LRRC34: variants seen among roughly 807,000 people sequenced by gnomAD.
LRRC34 encodes leucine-rich repeat-containing protein 34.
A neutral mutation model predicts 48.5 loss-of-function variants in LRRC34; 44 were observed. The observed-to-expected ratio is 0.91, with a 90% CI of 0.71 to 1.17. LRRC34 has a LOEUF of 1.17. Among genes scored for constraint, LRRC34 ranks in the 50% most tolerant of loss-of-function variants. The probability of loss-of-function intolerance (pLI) is 0.00; values close to 1 mark genes in which losing one functional copy is unlikely to be tolerated. For synonymous variants in LRRC34, 192 were observed against 197.6 expected, an observed-to-expected ratio of 0.97 and a Z score of 0.24; for missense variants, 502 against 563.0, an observed-to-expected ratio of 0.89 and a Z score of 1.10.
At position 169,796,833 on chromosome 3, in the gene LRRC34, A is replaced by G. The variant is rs1779006586; in HGVS notation, c.820T>C (p.Cys274Arg). Residue 274 changes from cysteine to arginine, a missense_variant, in exon 8 of 11, where the codon TGT becomes CGT. Cys to Arg is a radical substitution (Grantham distance 180, BLOSUM62 -3). Coordinates refer to ENST00000446859, the MANE Select transcript of LRRC34 (RefSeq NM_001172779.2). Reference protein sequence around the residue: ...ENHCLVALHMCKHDIKNSGIQ... With the variant: ...ENHCLVALHMRKHDIKNSGIQ... ...CCACTGTTTTTTATATCATGCTTACACATGTGTAGTGCAACAAGACAGTGA... is the reference window on the plus strand; with the variant it reads ...CCACTGTTTTTTATATCATGCTTACGCATGTGTAGTGCAACAAGACAGTGA... The G allele has an allele frequency of 6.2e-7, 1 of 1,611,182 alleles. No individual in the cohort carries two copies. Among genetic ancestry groups the G allele is most frequent in the Non-Finnish European group, 8.5e-7 (1 of 1,178,868 alleles).
intron 10 of LRRC34, chr3:169,794,940 T>G (rs1778936729): frequency 1.3e-5 from 2 of 152,234 alleles, no homozygotes; most frequent in Admixed American, 6.5e-5. Context: ...TTGGTTTTTT[T>G]GGGAGGGTGG....
intron 6 of LRRC34, among the ~76,000 whole-genome samples, chr3:169,802,257 A>G (rs552188953): frequency 6.6e-6 from 1 of 152,386 alleles, no homozygotes; most frequent in South Asian, 2.1e-4. Flanking sequence ...ATATATGAGT[A>G]TGAAAATTAC....
intron 6 of LRRC34, among the ~76,000 whole-genome samples, chr3:169,802,717 A>T (rs1779237781): frequency 6.6e-6 from 1 of 152,142 alleles, no homozygotes; most frequent in Non-Finnish European, 1.5e-5. Flanking sequence ...TCACTCCTGT[A>T]ATCCCAGCAC....
intron 5 of LRRC34, among the ~76,000 whole-genome samples, chr3:169,805,408 A>C (rs1779336314): frequency 6.6e-6 from 1 of 152,196 alleles, no homozygotes; most frequent in African/African-American, 2.4e-5. Flanking sequence ...CAATAGCATA[A>C]AAAAAAGTTA....
At chr3:169,809,733 T>C (rs1779497282) in intron 1 of LRRC34, among the ~76,000 whole-genome samples, 3 of 152,188 alleles carry the variant, frequency 2.0e-5, no homozygotes, top group Non-Finnish European at 2.9e-5. Context: ...AGCCTAGCTT[T>C]TTAGGAGCTG....
intron 10 of LRRC34, chr3:169,794,757 GT>G (rs764268118): frequency 1.3e-5 from 2 of 152,182 alleles, no homozygotes; most frequent in Non-Finnish European, 2.9e-5. Flanking sequence ...TGGTTTGTCA[GT>G]AAGGTTGGCA....
chr3:169,793,565 T>C lies in LRRC34; in HGVS notation c.*70A>G. On this transcript the variant is annotated 3_prime_UTR_variant, in exon 11 of 11. Transcript: ENST00000446859. ...ACTTGTTTTAATTTATAAAAGAAAA[T>C]AGGCTATAGAATATTAATCTCTGTG... 1.8e-6 allele frequency: 2 copies of C among 1,094,426 alleles called. No homozygotes were observed. Among genetic ancestry groups the C allele is most frequent in the South Asian group, 3.2e-5 (2 of 63,156 alleles). The allele number at this position is 1,094,426 out of a possible 1,614,324, so 67.8% of individuals were successfully genotyped here.
intron 7 of LRRC34, 33 bp from the exon 8 acceptor site, chr3:169,796,932 T>C (rs191159137): frequency 4.1e-4 from 606 of 1,469,666 alleles, no homozygotes; most frequent in African/African-American, 2.2e-3. Context: ...TTCTAAAATA[T>C]AATTTTGAAG....
At chr3:169,805,611 G>A (rs1420944922) in intron 5 of LRRC34, among the ~76,000 whole-genome samples, 2 of 151,996 alleles carry the variant, frequency 1.3e-5, no homozygotes, top group South Asian at 2.1e-4. Flanking sequence ...CTGGCCGGGT[G>A]AAGTGGCTCA....
chr3:169,803,419 C>A (rs1451228833), intron 6 of LRRC34, among the ~76,000 whole-genome samples: 1 of 152,116 alleles, frequency 6.6e-6, no homozygotes, highest in Non-Finnish European at 1.5e-5. Flanking sequence ...AGTTTTTGTG[C>A]TACAATATAA....
rs998313665 is a variant in LRRC34, at chr3:169,793,051, A to G, written c.*584T>C. Among the ~76,000 whole-genome samples the G allele has an allele frequency of 2.6e-5, 4 of 152,176 alleles. No homozygotes were observed. The highest frequency in any genetic ancestry group is 9.7e-5 in the African/African-American group (4 of 41,434). ...TTATATAAAGGTCAAGAACAGGCAA[A>G]ACTACTCTGTGGGGTTAGAAGTCAG... On this transcript the variant is annotated 3_prime_UTR_variant, in exon 11 of 11. Coordinates refer to ENST00000446859, the MANE Select transcript of LRRC34 (RefSeq NM_001172779.2).
chr3:169,799,461 C>T (rs1296973889), intron 7 of LRRC34, among the ~76,000 whole-genome samples: 4 of 152,066 alleles, frequency 2.6e-5, no homozygotes, highest in Non-Finnish European at 4.4e-5. Flanking sequence ...CAAGACCAGC[C>T]TGGGCAACAT....
At chr3:169,804,284 T>C (rs2108238395) in intron 5 of LRRC34, 103 bp from the exon 6 acceptor site, 3 of 948,508 alleles carry the variant, frequency 3.2e-6, no homozygotes, top group Admixed American at 3.1e-5. Flanking sequence ...CCAATTTTCA[T>C]GGAGCTAGAA....
chr3:169,809,555 G>C (rs551785562), intron 1 of LRRC34, among the ~76,000 whole-genome samples: 1 of 152,318 alleles, frequency 6.6e-6, no homozygotes, highest in African/African-American at 2.4e-5. Context: ...TGACCTTGCT[G>C]TTCTCAGTAA....
intron 7 of LRRC34, 169 bp from the exon 8 acceptor site, chr3:169,797,068 A>G (rs1779018399): frequency 2.3e-6 from 1 of 436,488 alleles, no homozygotes. Flanking sequence ...TATCTTTGCC[A>G]CAAATGATAT....
At chr3:169,796,472 G>T in intron 8 of LRRC34, 103 bp from the exon 9 acceptor site, 2 of 1,315,350 alleles carry the variant, frequency 1.5e-6, no homozygotes, top group Admixed American at 2.8e-5. Context: ...TTTTAGTAAA[G>T]GTTTATTTTA....
At chr3:169,805,454 C>T (rs1422710536) in intron 5 of LRRC34, among the ~76,000 whole-genome samples, 1 of 152,108 alleles carries the variant, frequency 6.6e-6, no homozygotes, top group Non-Finnish European at 1.5e-5. Context: ...AAGATTTGCA[C>T]ATTGAAAACT....
intron 2 of LRRC34, among the ~76,000 whole-genome samples, chr3:169,808,316 A>C (rs1475567913): frequency 1.7e-5 from 2 of 118,106 alleles, no homozygotes; most frequent in Non-Finnish European, 3.3e-5. Flanking sequence ...ACCATCTCAG[A>C]AAAAAAAAAA....
chr3:169,793,941 T>A, intron 10 of LRRC34, 103 bp from the exon 11 acceptor site: 1 of 717,166 alleles, frequency 1.4e-6, no homozygotes, highest in Non-Finnish European at 2.2e-6. Context: ...TAATTTGTAG[T>A]TTAAAATAAA....
Sources: allele counts gnomAD v4.1 joint callset (sites outside exome capture counted in the v4.1 genomes callset), GRCh38; gene constraint gnomAD v4.1.1; transcripts MANE v1.5; gene names NCBI Gene and HGNC (gene_info 2026-07-23, HGNC 2026-07-21).